Variants in TYW1 observed in about 807,000 individuals in gnomAD.
TYW1 encodes the protein tRNA-yW synthesizing protein 1 homolog.
A neutral mutation model predicts 96.2 loss-of-function variants in TYW1; 46 were observed. That is an observed-to-expected ratio of 0.48 (90% CI 0.38 to 0.61). TYW1 has a LOEUF of 0.61. Among genes scored for constraint, TYW1 ranks in the 20% least tolerant of loss-of-function variants. The pLI is 0.00. For missense variants in TYW1, 684 were observed against 909.6 expected, an observed-to-expected ratio of 0.75 and a Z score of 3.19; for synonymous variants, 274 against 323.0, an observed-to-expected ratio of 0.85 and a Z score of 1.63.
intron 15 of TYW1, among the ~76,000 whole-genome samples, chr7:67,225,830 A>G (rs1011378043): frequency 2.7e-5 from 4 of 148,716 alleles, no homozygotes; most frequent in Non-Finnish European, 4.5e-5. Flanking sequence ...TTATGGTTAT[A>G]GTTTTGTCTG....
rs192632440 is a variant in TYW1, at chr7:67,133,782, C to G, written c.1698+16164C>G. Among the ~76,000 whole-genome samples the G allele has an allele frequency of 1.2e-3, 188 of 151,314 alleles. 1 individual carries two copies. The highest frequency in any genetic ancestry group is 2.5e-3 in the Non-Finnish European group (168 of 67,916). ...TGTGTTTGGCCATGTCTTTAATAGC[C>G]TTTCCATACCTTGCCCATTTCTCCG... On this transcript the variant is annotated intron_variant, in intron 13 of 15. Coordinates refer to ENST00000359626, the MANE Select transcript of TYW1 (RefSeq NM_018264.4).
chr7:67,160,685 G>A (rs572967244), intron 13 of TYW1, among the ~76,000 whole-genome samples: 3 of 150,280 alleles, frequency 2.0e-5, no homozygotes, highest in Non-Finnish European at 3.0e-5. Context: ...TCTGCCTCCC[G>A]GGTTCAAGCA....
chr7:66,998,859 G>C lies in TYW1; in HGVS notation c.178G>C (p.Asp60His), dbSNP rs1397468698. 2.5e-6 allele frequency: 4 copies of C among 1,614,020 alleles called. No homozygotes were observed. Among genetic ancestry groups the C allele is most frequent in the Non-Finnish European group, 2.5e-6 (3 of 1,180,030 alleles). The stretch of plus-strand genomic sequence containing the variant: ...AAAATCTGTTCCAAAAGCAGCTCAG[G>C]ATTTGATGACAAATGGTTATGTCTC... Reference protein sequence around the residue: ...QEKSVPKAAQDLMTNGYVSLQ... With the variant: ...QEKSVPKAAQHLMTNGYVSLQ... The change falls in exon 3 of 16, where the codon GAT (aspartate) becomes CAT (histidine). Residue 60 changes from aspartate (D) to histidine (H), a missense_variant. Coordinates refer to ENST00000359626, the MANE Select transcript of TYW1 (RefSeq NM_018264.4).
chr7:67,108,135 C>T (rs938676653), intron 12 of TYW1, among the ~76,000 whole-genome samples: 1 of 152,044 alleles, frequency 6.6e-6, no homozygotes, highest in Non-Finnish European at 1.5e-5. Flanking sequence ...CCTTGGCCTC[C>T]CAGAGTGCTG....
intron 6 of TYW1, among the ~76,000 whole-genome samples, chr7:67,020,743 G>A (rs1157714219): frequency 2.0e-5 from 3 of 152,226 alleles, no homozygotes; most frequent in East Asian, 1.9e-4. Context: ...AAAAATATTT[G>A]TCAAGGCTGG....
intron 10 of TYW1, among the ~76,000 whole-genome samples, chr7:67,069,980 T>C (rs559974189): frequency 6.6e-6 from 1 of 152,366 alleles, no homozygotes; most frequent in African/African-American, 2.4e-5. Flanking sequence ...TCCTTCAGTT[T>C]TGAAGAATTG....
intron 14 of TYW1, among the ~76,000 whole-genome samples, chr7:67,184,459 G>A (rs186521907): frequency 6.6e-6 from 1 of 151,992 alleles, no homozygotes; most frequent in Non-Finnish European, 1.5e-5. Flanking sequence ...ATGTCTGCTT[G>A]CCTCTCATAT....
intron 9 of TYW1, among the ~76,000 whole-genome samples, chr7:67,057,171 C>T (rs1332233751): frequency 7.3e-5 from 11 of 151,670 alleles, no homozygotes; most frequent in African/African-American, 2.4e-4. Context: ...CGCACCACCA[C>T]GCCCAGCTAA....
intron 9 of TYW1, among the ~76,000 whole-genome samples, chr7:67,058,940 CAG>C (rs1009726452): frequency 9.2e-5 from 14 of 151,992 alleles, no homozygotes; most frequent in Non-Finnish European, 1.5e-4. Flanking sequence ...GAATAACAAA[CAG>C]AGAGGGGCTC....
intron 1 of TYW1, 50 bp from the exon 2 acceptor site, chr7:66,998,015 C>G (rs1793248564): frequency 5.9e-6 from 9 of 1,518,358 alleles, no homozygotes; most frequent in Middle Eastern, 3.5e-4. Flanking sequence ...GGATGGATAT[C>G]TTTGTATATG....
intron 15 of TYW1, among the ~76,000 whole-genome samples, chr7:67,212,874 A>T (rs4639397): frequency 6.6e-6 from 1 of 151,516 alleles, no homozygotes; most frequent in Non-Finnish European, 1.5e-5. Flanking sequence ...ATTTTTATTT[A>T]TTTATTTTTT....
intron 10 of TYW1, among the ~76,000 whole-genome samples, chr7:67,072,218 T>C (rs568981323): frequency 1.1e-4 from 17 of 149,246 alleles, no homozygotes; most frequent in African/African-American, 4.0e-4. Context: ...TTCATGTACC[T>C]ACTGAGACCT....
At chr7:67,086,608 G>A (rs1399322687) in intron 11 of TYW1, among the ~76,000 whole-genome samples, 1 of 152,136 alleles carries the variant, frequency 6.6e-6, no homozygotes, top group Admixed American at 6.5e-5. Flanking sequence ...AAGAGTGGGA[G>A]TTCAAGTTCA....
chr7:67,039,453 G>A (rs1256156777), intron 7 of TYW1, among the ~76,000 whole-genome samples: 15 of 147,748 alleles, frequency 1.0e-4, no homozygotes, highest in South Asian at 6.5e-4. Context: ...GTGAGACTCC[G>A]TCTCAAAAAA....
At chr7:67,226,058 C>A (rs1156404781) in intron 15 of TYW1, among the ~76,000 whole-genome samples, 3 of 151,798 alleles carry the variant, frequency 2.0e-5, no homozygotes, top group Non-Finnish European at 4.4e-5. Context: ...TCACAAGATA[C>A]CACTGTAATG....
At chr7:67,218,210 T>A (rs1801263662) in intron 15 of TYW1, among the ~76,000 whole-genome samples, 1 of 152,104 alleles carries the variant, frequency 6.6e-6, no homozygotes, top group Non-Finnish European at 1.5e-5. Context: ...TGGGATGTAT[T>A]TCTATTTATT....
rs562958726 is a variant in TYW1 at position 67,055,716 on chromosome 7, G to A, written c.1103-119G>A. On this transcript the variant is annotated intron_variant, in intron 8 of 15. Coordinates refer to ENST00000359626, the MANE Select transcript of TYW1 (RefSeq NM_018264.4). ...AAATCTTTAATGTTTCCTGCCATGG[G>A]TTGGTTGACTGCAATAATTTAGCAA... 6 of 602,644 alleles carry A rather than the reference G, an allele frequency of 1.0e-5. No homozygotes were observed. The South Asian group carries it at 1.7e-4, about 17-fold the overall frequency. 37.3% of individuals were successfully genotyped at this position (602,644 alleles called of 1,614,324 possible).
chr7:67,147,349 A>G (rs368974933), intron 13 of TYW1, among the ~76,000 whole-genome samples: 2 of 152,190 alleles, frequency 1.3e-5, no homozygotes, highest in Admixed American at 6.5e-5. Context: ...GGATTTTGCC[A>G]TCCATGAGGT....
intron 7 of TYW1, among the ~76,000 whole-genome samples, chr7:67,045,706 G>A (rs1013347127): frequency 9.2e-5 from 14 of 152,226 alleles, no homozygotes; most frequent in Non-Finnish European, 1.3e-4. Flanking sequence ...TCAGGCCACT[G>A]CAGCTTGGCG....
Sources: gnomAD v4.1 joint callset for allele counts (sites outside exome capture counted in the v4.1 genomes callset) on GRCh38, gnomAD v4.1.1 for gene constraint, MANE v1.5 for transcripts, NCBI Gene and HGNC (gene_info 2026-07-23, HGNC 2026-07-21) for gene names.